ATXN7: variants seen among roughly 807,000 people sequenced by gnomAD.
ATXN7 encodes the protein ataxin-7.
A neutral mutation model predicts 70.5 loss-of-function variants in ATXN7; 12 were observed. The observed-to-expected ratio is 0.17, with a 90% confidence interval of 0.11 to 0.28. The LOEUF is 0.28. Ranked by LOEUF, ATXN7 falls within the 10% of genes least tolerant of loss-of-function variation. The pLI, the probability that ATXN7 is intolerant of heterozygous loss-of-function variation, is 1.00. For synonymous variants in ATXN7, 498 were observed against 448.7 expected (o/e 1.11, Z -1.39); for missense variants, 1,256 against 1,131.7 (o/e 1.11, Z -1.58).
At chr3:63,875,306 G>A (rs1187054501) in intron 1 of ATXN7, among the ~76,000 whole-genome samples, 1 of 151,994 alleles carries the variant, frequency 6.6e-6, no homozygotes, top group Non-Finnish European at 1.5e-5. Flanking sequence ...TGCCCATGCT[G>A]GTCTTGAACT....
At chr3:63,915,760 C>T (rs952941995) in intron 4 of ATXN7, among the ~76,000 whole-genome samples, 1 of 151,592 alleles carries the variant, frequency 6.6e-6, no homozygotes, top group African/African-American at 2.4e-5. Context: ...CGGCTCACTG[C>T]AACCTCTGCT....
chr3:63,990,928 G>A, intron 11 of ATXN7, 69 bp downstream of exon 11: 2 of 1,603,702 alleles, frequency 1.2e-6, no homozygotes, highest in Non-Finnish European at 1.7e-6. Context: ...TATTTCCTGT[G>A]AGACTGATGT....
intron 4 of ATXN7, among the ~76,000 whole-genome samples, chr3:63,919,619 C>CT (rs376984807): frequency 3.3e-5 from 5 of 151,634 alleles, no homozygotes; most frequent in African/African-American, 1.2e-4. Flanking sequence ...AATTATTATA[C>CT]TTTAAGTTTT....
chr3:63,884,601 A>C (rs976724029), intron 1 of ATXN7, among the ~76,000 whole-genome samples: 1 of 152,008 alleles, frequency 6.6e-6, no homozygotes, highest in Admixed American at 6.6e-5. Context: ...TATGCAGATA[A>C]TCATCTCTCA....
chr3:63,955,227 G>C lies in ATXN7; in HGVS notation c.499+2744G>C, dbSNP rs563636824. Among the ~76,000 whole-genome samples the C allele has an allele frequency of 4.6e-5, 7 of 152,300 alleles. 1 individual carries two copies. In the South Asian group the frequency reaches 1.5e-3, roughly 32 times the overall value. On this transcript the variant is annotated intron_variant, in intron 5 of 12. Transcript: ENST00000674280. ...GACAAAGCCACTAGGTAGGAGGGCTGAGGTCCCTCTAGTGACAAGGGAAAT... is the reference window on the plus strand; with the variant it reads ...GACAAAGCCACTAGGTAGGAGGGCTCAGGTCCCTCTAGTGACAAGGGAAAT...
rs1244768701 is a variant in ATXN7 at position 63,976,819 on chromosome 3, A to G, written c.500-3096A>G. 3.3e-5 allele frequency among the ~76,000 whole-genome samples: 5 copies of G among 152,240 alleles called. No individual in the cohort carries two copies. The East Asian group carries it at 9.6e-4, about 29-fold the overall frequency. On this transcript the variant is annotated intron_variant, in intron 5 of 12. Coordinates refer to ENST00000674280, the MANE Select transcript of ATXN7 (RefSeq NM_001377405.1). ...AAAACAGGGTTATGGCACAACACTC[A>G]AAGACCTCATCAGTGACACACACAG...
Position 63,952,490 on chromosome 3 carries a change from G to T in ATXN7, c.499+7G>T. On this transcript the variant is annotated splice_region_variant and intron_variant, in intron 5 of 12. Coordinates refer to ENST00000674280, the MANE Select transcript of ATXN7 (RefSeq NM_001377405.1). ...GCATTTCAATCACATTATGGTAAGT[G>T]CTTAACCATTTAAAAAATTGTTAAT... 6.3e-7 allele frequency: 1 copy of T among 1,576,776 alleles called. No homozygotes were observed. Among genetic ancestry groups the T allele is most frequent in the Non-Finnish European group, 8.6e-7 (1 of 1,158,276 alleles).
chr3:63,876,684 C>T (rs561657946), intron 1 of ATXN7, among the ~76,000 whole-genome samples: 1 of 152,122 alleles, frequency 6.6e-6, no homozygotes, highest in Non-Finnish European at 1.5e-5. Flanking sequence ...TGAGAGTAGG[C>T]AGGTTTCTTG....
At position 63,943,864 on chromosome 3, in the gene ATXN7, C is replaced by T. The variant is rs571997871; in HGVS notation, c.395-8515C>T. On this transcript the variant is annotated intron_variant, in intron 4 of 12. Transcript: ENST00000674280. Reference sequence around the variant, plus strand: ...TTCACTCATTTTCATTGTATAGTCTCTTCCTGTCTCACTCTATTGCATCAG... The same window carrying T: ...TTCACTCATTTTCATTGTATAGTCTTTTCCTGTCTCACTCTATTGCATCAG... Among the ~76,000 whole-genome samples, 4 of 152,326 alleles carry T rather than the reference C, an allele frequency of 2.6e-5. No individual in the cohort carries two copies. In the South Asian group the frequency reaches 8.3e-4, roughly 32 times the overall value.
intron 4 of ATXN7, among the ~76,000 whole-genome samples, chr3:63,915,686 AT>A (rs10712088): frequency 0.18 from 25,030 of 142,580 alleles, 2,182 homozygotes; most frequent in African/African-American, 0.24. Flanking sequence ...CCCTTTATTT[AT>A]TTTTTTTTTT....
At chr3:63,998,203 G>GC (rs2075791222) in intron 12 of ATXN7, 1 of 949,860 alleles carries the variant, frequency 1.1e-6, no homozygotes, top group Non-Finnish European at 1.2e-6. Flanking sequence ...GGACAGAAGG[G>GC]GGGGGGGCCA....
chr3:63,913,062 G>A (rs1704119512), intron 3 of ATXN7, 95 bp from the exon 4 acceptor site: 1 of 1,501,040 alleles, frequency 6.7e-7, no homozygotes, highest in South Asian at 1.1e-5. Context: ...GGAACGCGGA[G>A]GTGCCCACAC....
At chr3:63,872,743 CTA>C (rs1702635349) in intron 1 of ATXN7, among the ~76,000 whole-genome samples, 1 of 152,238 alleles carries the variant, frequency 6.6e-6, no homozygotes, top group Non-Finnish European at 1.5e-5. Context: ...GTTATAGTAA[CTA>C]AACTCTGTTT....
intron 4 of ATXN7, among the ~76,000 whole-genome samples, chr3:63,947,363 A>G (rs1559642298): frequency 6.6e-6 from 1 of 152,070 alleles, no homozygotes; most frequent in Non-Finnish European, 1.5e-5. Context: ...AGGTGGGAGG[A>G]TCACTTGACC....
chr3:63,898,192 A>G (rs1030720257), intron 1 of ATXN7, among the ~76,000 whole-genome samples: 19 of 150,614 alleles, frequency 1.3e-4, no homozygotes, highest in African/African-American at 4.4e-4. Flanking sequence ...TTCTTGGTTT[A>G]TTGTAACTAT....
At chr3:63,894,047 C>T (rs373369800) in intron 1 of ATXN7, among the ~76,000 whole-genome samples, 3 of 152,012 alleles carry the variant, frequency 2.0e-5, no homozygotes, top group Admixed American at 6.6e-5. Flanking sequence ...TTTGGGTGGT[C>T]GATTTTCATT....
chr3:63,915,257 CCCT>C (rs1704216407), intron 4 of ATXN7, among the ~76,000 whole-genome samples: 1 of 152,060 alleles, frequency 6.6e-6, no homozygotes, highest in Non-Finnish European at 1.5e-5. Flanking sequence ...TTAAGGGTTC[CCCT>C]CCTCCCCCTT....
At chr3:63,864,262 C>T (rs1011184222) in intron 1 of ATXN7, among the ~76,000 whole-genome samples, 104 bp downstream of exon 1, 2 of 151,382 alleles carry the variant, frequency 1.3e-5, no homozygotes, top group Admixed American at 6.6e-5. Context: ...GACTGCGGCC[C>T]CGCCGCCCCA....
At chr3:63,932,787 C>A (rs1414249860) in intron 4 of ATXN7, among the ~76,000 whole-genome samples, 1 of 152,160 alleles carries the variant, frequency 6.6e-6, no homozygotes, top group Non-Finnish European at 1.5e-5. Flanking sequence ...GGCAGTAGTT[C>A]TTCCAGGCAG....
Sources: gnomAD v4.1 joint callset for allele counts (sites outside exome capture counted in the v4.1 genomes callset) on GRCh38, gnomAD v4.1.1 for gene constraint, MANE v1.5 for transcripts, NCBI Gene and HGNC (gene_info 2026-07-23, HGNC 2026-07-21) for gene names.